Variants in CCDC178 observed in about 807,000 individuals in gnomAD.
CCDC178 encodes the protein coiled-coil domain containing 178.
CCDC178 carries 126 observed loss-of-function variants against 117.4 expected under a neutral mutation model. The ratio of observed to expected loss-of-function variants is 1.07; its 90% CI spans 0.93 to 1.24. The LOEUF (loss-of-function observed/expected upper bound fraction) is 1.24, where lower values mean the gene tolerates loss of function less well. Ranked by LOEUF, CCDC178 falls within the 50% of genes most tolerant of loss-of-function variation. The probability of loss-of-function intolerance (pLI) is 0.00; values close to 1 mark genes in which losing one functional copy is unlikely to be tolerated. For missense variants in CCDC178, 1,030 were observed against 986.9 expected, an observed-to-expected ratio of 1.04 and a Z score of -0.59; for synonymous variants, 283 against 313.4, an observed-to-expected ratio of 0.90 and a Z score of 1.02.
chr18:33,187,364 C>CT (rs2058809531), intron 20 of CCDC178, among the ~76,000 whole-genome samples: 1 of 152,040 alleles, frequency 6.6e-6, no homozygotes, highest in South Asian at 2.1e-4. Flanking sequence ...TCTGTAGCCT[C>CT]TTTTTGCAAT....
At chr18:33,394,658 C>T (rs914501046) in intron 4 of CCDC178, among the ~76,000 whole-genome samples, 1 of 151,448 alleles carries the variant, frequency 6.6e-6, no homozygotes, top group African/African-American at 2.4e-5. Flanking sequence ...TATTTTACCT[C>T]AGAATTATAT....
chr18:33,273,917 T>C (rs898247489), intron 12 of CCDC178, among the ~76,000 whole-genome samples: 4 of 151,768 alleles, frequency 2.6e-5, no homozygotes, highest in African/African-American at 7.2e-5. Flanking sequence ...TTTTAATATC[T>C]TCTGCTTCAA....
At chr18:33,396,269 G>A (rs1016615021) in intron 4 of CCDC178, among the ~76,000 whole-genome samples, 2 of 152,076 alleles carry the variant, frequency 1.3e-5, no homozygotes, top group Non-Finnish European at 2.9e-5. Flanking sequence ...ATAGTATGGG[G>A]ATTGTCAATA....
chr18:33,172,845 A>G (rs1390511122), intron 20 of CCDC178, among the ~76,000 whole-genome samples: 2 of 152,164 alleles, frequency 1.3e-5, no homozygotes, highest in Non-Finnish European at 2.9e-5. Context: ...TCTTTCACTT[A>G]TGAAGAAATG....
intron 21 of CCDC178, among the ~76,000 whole-genome samples, chr18:33,046,257 A>G (rs1282367773): frequency 6.6e-6 from 1 of 152,154 alleles, no homozygotes; most frequent in Non-Finnish European, 1.5e-5. Context: ...AGGTCTAAAA[A>G]TCTTAAGGTT....
intron 20 of CCDC178, among the ~76,000 whole-genome samples, chr18:33,164,209 A>T (rs2058500531): frequency 1.3e-5 from 2 of 150,838 alleles, no homozygotes; most frequent in South Asian, 2.1e-4. Context: ...CCAGGTTTAA[A>T]CAATTCTCCT....
At chr18:33,028,718 T>A (rs2056276797) in intron 21 of CCDC178, among the ~76,000 whole-genome samples, 1 of 151,846 alleles carries the variant, frequency 6.6e-6, no homozygotes. Context: ...TAGTTTATTA[T>A]TTTTTAATTA....
intron 20 of CCDC178, among the ~76,000 whole-genome samples, chr18:33,106,812 G>A (rs1435010816): frequency 6.6e-6 from 1 of 151,656 alleles, no homozygotes. Flanking sequence ...TGTGGAGGAA[G>A]AAGCAGGAGA....
Position 33,117,374 on chromosome 18 carries a change from C to A in CCDC178, c.2239-24464G>T, listed in dbSNP as rs989653566. ...TTATGCATGGGCTCAGCAACATTGACTTCCACTCACCAAAGCTGACCTGGA... is the reference window on the plus strand; with the variant it reads ...TTATGCATGGGCTCAGCAACATTGAATTCCACTCACCAAAGCTGACCTGGA... On this transcript the variant is annotated intron_variant, in intron 20 of 22. Transcript: ENST00000383096. Among the ~76,000 whole-genome samples, 4 of 152,044 alleles carry A rather than the reference C, an allele frequency of 2.6e-5. No individual in the cohort carries two copies. In the South Asian group the frequency reaches 6.2e-4, roughly 24 times the overall value.
intron 20 of CCDC178, among the ~76,000 whole-genome samples, chr18:33,200,541 C>T (rs957143269): frequency 2.6e-5 from 4 of 152,176 alleles, no homozygotes; most frequent in Non-Finnish European, 4.4e-5. Context: ...ACCTTTCTCC[C>T]TGCCTCTGAT....
intron 21 of CCDC178, among the ~76,000 whole-genome samples, chr18:33,056,095 C>T (rs1312664891): frequency 6.6e-6 from 1 of 152,126 alleles, no homozygotes; most frequent in African/African-American, 2.4e-5. Flanking sequence ...AGCCACTGCA[C>T]CTGGCCTCAA....
At chr18:33,379,073 A>AT (rs1158179855) in intron 5 of CCDC178, among the ~76,000 whole-genome samples, 1 of 145,202 alleles carries the variant, frequency 6.9e-6, no homozygotes, top group Non-Finnish European at 1.5e-5. Context: ...TGCAGGTAGG[A>AT]TTTTTTCTTT....
intron 14 of CCDC178, among the ~76,000 whole-genome samples, chr18:33,253,827 T>C (rs1337468662): frequency 6.6e-6 from 1 of 151,860 alleles, no homozygotes; most frequent in Non-Finnish European, 1.5e-5. Flanking sequence ...CCTTATGTAA[T>C]TGGGGAGGAT....
At chr18:33,363,141 A>G (rs899769970) in intron 6 of CCDC178, among the ~76,000 whole-genome samples, 1 of 152,178 alleles carries the variant, frequency 6.6e-6, no homozygotes, top group East Asian at 1.9e-4. Flanking sequence ...AACAAATTAG[A>G]GGAACATAAA....
chr18:33,409,772 A>G (rs2063826064), intron 3 of CCDC178, among the ~76,000 whole-genome samples: 4 of 152,310 alleles, frequency 2.6e-5, no homozygotes, highest in South Asian at 4.1e-4. Flanking sequence ...TGTGAAGCCA[A>G]AGTGACAAAA....
chr18:33,185,860 T>G (rs2058786739), intron 20 of CCDC178, among the ~76,000 whole-genome samples: 1 of 151,978 alleles, frequency 6.6e-6, no homozygotes, highest in Non-Finnish European at 1.5e-5. Context: ...CGTTATTTTC[T>G]TGCTCTGGTG....
intron 21 of CCDC178, among the ~76,000 whole-genome samples, chr18:32,987,557 A>T (rs2055289574): frequency 6.6e-6 from 1 of 152,196 alleles, no homozygotes. Context: ...ATACATGCAC[A>T]TGTCCCAAAT....
chr18:32,948,097 G>A (rs2054395938), intron 22 of CCDC178, among the ~76,000 whole-genome samples: 1 of 151,956 alleles, frequency 6.6e-6, no homozygotes, highest in South Asian at 2.1e-4. Flanking sequence ...TTTGGTTACT[G>A]TAACTTTATA....
chr18:33,294,490 G>A (rs905293757), intron 11 of CCDC178, among the ~76,000 whole-genome samples: 1 of 152,074 alleles, frequency 6.6e-6, no homozygotes, highest in Non-Finnish European at 1.5e-5. Context: ...ATAAATATAT[G>A]GTGTGCTTAT....
Sources: gnomAD v4.1 joint callset for allele counts (sites outside exome capture counted in the v4.1 genomes callset) on GRCh38, gnomAD v4.1.1 for gene constraint, MANE v1.5 for transcripts, NCBI Gene and HGNC (gene_info 2026-07-23, HGNC 2026-07-21) for gene names.